The following ZSCAN25 variants were observed in gnomAD, a reference collection of about 807,000 sequenced individuals.
The protein encoded by ZSCAN25 is zinc finger and SCAN domain-containing protein 25.
In ZSCAN25, 27 loss-of-function variants were observed where a neutral mutation model predicts 38.7. The observed-to-expected ratio is 0.70, with a 90% CI of 0.51 to 0.96. The LOEUF is 0.96. ZSCAN25 is among the 40% of genes least tolerant of loss of function. The pLI is 0.00. For missense variants in ZSCAN25, 637 were observed against 705.9 expected (o/e 0.90, Z 1.11); for synonymous variants, 273 against 277.7 (o/e 0.98, Z 0.17).
At chr7:99,625,659 G>C (rs1440691253) in intron 7 of ZSCAN25, among the ~76,000 whole-genome samples, 1 of 152,184 alleles carries the variant, frequency 6.6e-6, no homozygotes, top group East Asian at 1.9e-4. Flanking sequence ...CAGTGTCCTG[G>C]TGCCAGGGTC....
chr7:99,688,367 G>C, the ZSCAN25 span, among the ~76,000 whole-genome samples: 723 of 152,150 alleles, frequency 4.8e-3, 3 homozygotes, highest in African/African-American at 0.017. Context: ...GCAGGGGTTG[G>C]AATCCTAGTC....
At chr7:99,676,153 GT>G in the ZSCAN25 span, 1 of 1,613,886 alleles carries the variant, frequency 6.2e-7, no homozygotes. Context: ...AAAGGCAGAG[GT>G]GTGGGCCCTG....
At chr7:99,702,868 C>T in the ZSCAN25 span, among the ~76,000 whole-genome samples, 1 of 152,152 alleles carries the variant, frequency 6.6e-6, no homozygotes. Context: ...TTGATTCTTA[C>T]AATATGTAAA....
At chr7:99,732,585 C>T in the ZSCAN25 span, among the ~76,000 whole-genome samples, 3 of 152,130 alleles carry the variant, frequency 2.0e-5, no homozygotes, top group African/African-American at 7.2e-5. Context: ...TATGGACTTC[C>T]CCAACTGGGG....
At chr7:99,638,799 G>A in the ZSCAN25 span, 6 of 822,900 alleles carry the variant, frequency 7.3e-6, no homozygotes, top group African/African-American at 3.4e-5. Context: ...GGGCATTCAG[G>A]TGTCCTGGGT....
chr7:99,669,996 G>A, the ZSCAN25 span, among the ~76,000 whole-genome samples: 9 of 152,186 alleles, frequency 5.9e-5, no homozygotes, highest in Admixed American at 1.3e-4. Context: ...AGTAGATAAC[G>A]TCATGCAAAT....
chr7:99,709,293 G>A, the ZSCAN25 span: 1 of 1,605,760 alleles, frequency 6.2e-7, no homozygotes, highest in Non-Finnish European at 8.5e-7. Flanking sequence ...TGGATAAATT[G>A]AGATTTTTGA....
chr7:99,618,673 C>A (rs1363634182), intron 2 of ZSCAN25, 22 bp downstream of exon 2: 1 of 152,092 alleles, frequency 6.6e-6, no homozygotes, highest in African/African-American at 2.4e-5. Flanking sequence ...TTCCCTCTTG[C>A]CACCTCTAGC....
At chr7:99,725,389 G>A in the ZSCAN25 span, among the ~76,000 whole-genome samples, 1 of 152,186 alleles carries the variant, frequency 6.6e-6, no homozygotes, top group Non-Finnish European at 1.5e-5. Context: ...ATAGAGAAGA[G>A]GCGGCCAAGT....
the ZSCAN25 span, among the ~76,000 whole-genome samples, chr7:99,683,585 C>G: frequency 1.3e-5 from 2 of 152,198 alleles, no homozygotes; most frequent in East Asian, 3.9e-4. Context: ...TCATCAATCC[C>G]CTTTATGTAG....
the ZSCAN25 span, among the ~76,000 whole-genome samples, chr7:99,711,262 CT>C: frequency 2.6e-5 from 4 of 152,166 alleles, no homozygotes; most frequent in Non-Finnish European, 4.4e-5. Flanking sequence ...ATGGGGTAGT[CT>C]TCTCTCCCAA....
chr7:99,684,304 A>C, the ZSCAN25 span, among the ~76,000 whole-genome samples: 2 of 151,536 alleles, frequency 1.3e-5, no homozygotes. Context: ...GGTAGCTGAG[A>C]TTATAGGTGC....
chr7:99,683,224 A>G, the ZSCAN25 span, among the ~76,000 whole-genome samples: 1 of 152,176 alleles, frequency 6.6e-6, no homozygotes, highest in Non-Finnish European at 1.5e-5. Flanking sequence ...GGTTCCTTTC[A>G]GTGGAAAATG....
the ZSCAN25 span, among the ~76,000 whole-genome samples, chr7:99,736,375 T>G: frequency 1.3e-5 from 2 of 152,104 alleles, no homozygotes; most frequent in Non-Finnish European, 2.9e-5. Flanking sequence ...TCAAAGCAAA[T>G]GGCTTCCTTT....
chr7:99,622,458 T>G, intron 5 of ZSCAN25, 91 bp from the exon 6 acceptor site: 32 of 1,180,872 alleles, frequency 2.7e-5, no homozygotes, highest in Non-Finnish European at 3.9e-5. Flanking sequence ...CCTGAGGTTG[T>G]GAGCATCTGG....
chr7:99,685,604 C>T, the ZSCAN25 span, among the ~76,000 whole-genome samples: 1 of 152,232 alleles, frequency 6.6e-6, no homozygotes, highest in Non-Finnish European at 1.5e-5. Context: ...TTATCAGGCA[C>T]ACGAGCATGG....
chr7:99,705,533 A>G, the ZSCAN25 span: 4 of 1,613,634 alleles, frequency 2.5e-6, no homozygotes, highest in Non-Finnish European at 2.5e-6. Flanking sequence ...CCCTTGACTC[A>G]GCCTTTAGAA....
intron 4 of ZSCAN25, chr7:99,620,313 T>A (rs1389139773): frequency 3.6e-6 from 1 of 279,444 alleles, no homozygotes; most frequent in Non-Finnish European, 6.7e-6. Context: ...GACCTGACCC[T>A]GCTTTGGACA....
the ZSCAN25 span, among the ~76,000 whole-genome samples, chr7:99,639,837 G>T: frequency 6.6e-6 from 1 of 152,132 alleles, no homozygotes; most frequent in Non-Finnish European, 1.5e-5. Flanking sequence ...AGGCTGAGGT[G>T]GGAGGATCAC....
Sources: gnomAD v4.1 joint callset for allele counts (sites outside exome capture counted in the v4.1 genomes callset) on GRCh38, gnomAD v4.1.1 for gene constraint, MANE v1.5 for transcripts, NCBI Gene and HGNC (gene_info 2026-07-23, HGNC 2026-07-21) for gene names.